The following SMYD3 variants were observed in gnomAD, a reference collection of about 807,000 sequenced individuals.
SMYD3 encodes the protein histone-lysine N-methyltransferase SMYD3.
SMYD3 carries 36 observed loss-of-function variants against 57.7 expected under a neutral mutation model. The ratio of observed to expected loss-of-function variants is 0.62; its 90% CI spans 0.48 to 0.82. The LOEUF (loss-of-function observed/expected upper bound fraction) is 0.82, where lower values mean the gene tolerates loss of function less well. SMYD3 is among the 40% of genes least tolerant of loss of function. SMYD3 has a pLI of 0.00. For synonymous variants in SMYD3, 211 were observed against 195.0 expected, an observed-to-expected ratio of 1.08 and a Z score of -0.68; for missense variants, 515 against 538.8, an observed-to-expected ratio of 0.96 and a Z score of 0.44.
chr1:246,138,502 T>A lies in SMYD3; in HGVS notation c.531+188699A>T, dbSNP rs563361465. Among the ~76,000 whole-genome samples the A allele has an allele frequency of 6.0e-3, 716 of 118,798 alleles. 83 individuals carry two copies. The highest frequency in any genetic ancestry group is 9.1e-3 in the Non-Finnish European group (419 of 46,268). The allele number at this position is 118,798 out of a possible 152,430, so 77.9% of individuals were successfully genotyped here. On this transcript the variant is annotated intron_variant, in intron 5 of 11. Coordinates refer to ENST00000490107, the MANE Select transcript of SMYD3 (RefSeq NM_001167740.2). ...GTGCAGTGGCGCGATCTCAGCTCAC[T>A]GCAAGCTCCGCCTCCCAGGTTCACA...
chr1:246,422,925 T>G (rs1302106645), intron 1 of SMYD3, among the ~76,000 whole-genome samples: 1 of 151,924 alleles, frequency 6.6e-6, no homozygotes, highest in Admixed American at 6.6e-5. Flanking sequence ...AATTCTCTGG[T>G]TAGATCTAAA....
chr1:246,144,110 C>T (rs866928243), intron 5 of SMYD3, among the ~76,000 whole-genome samples: 8 of 152,166 alleles, frequency 5.3e-5, no homozygotes, highest in Non-Finnish European at 8.8e-5. Context: ...CTCACCTGGA[C>T]GGACAGCCTC....
chr1:246,129,265 C>T (rs1435028522), intron 5 of SMYD3, among the ~76,000 whole-genome samples: 1 of 152,084 alleles, frequency 6.6e-6, no homozygotes, highest in Admixed American at 6.5e-5. Flanking sequence ...TGTCTTAATG[C>T]ACTTGTATTT....
At chr1:246,059,581 A>G (rs1229023459) in intron 5 of SMYD3, among the ~76,000 whole-genome samples, 3 of 152,186 alleles carry the variant, frequency 2.0e-5, no homozygotes, top group Admixed American at 6.5e-5. Context: ...TGAAAACAAC[A>G]TATCTCAGAC....
intron 1 of SMYD3, among the ~76,000 whole-genome samples, chr1:246,413,204 C>T (rs2067005132): frequency 6.6e-6 from 1 of 152,146 alleles, no homozygotes; most frequent in Non-Finnish European, 1.5e-5. Flanking sequence ...ACGTAGGTAC[C>T]AAATTTAGCT....
At position 246,107,101 on chromosome 1, in the gene SMYD3, C is replaced by CATCCTGGCTAAA. The variant is rs779661159; in HGVS notation, c.532-177165_532-177164insTTTAGCCAGGAT. Among the ~76,000 whole-genome samples the CATCCTGGCTAAA allele has an allele frequency of 4.2e-5, 5 of 117,994 alleles. 1 individual carries two copies. The highest frequency in any genetic ancestry group is 1.8e-4 in the African/African-American group (5 of 28,042). The allele number at this position is 117,994 out of a possible 152,430, so 77.4% of individuals were successfully genotyped here. Reference sequence around the variant, plus strand: ...GATCACAAGGTCAGGAGATCGAGACCACGGTGAAACCCCGTCTCTACTAAA... The same window carrying CATCCTGGCTAAA: ...GATCACAAGGTCAGGAGATCGAGACCATCCTGGCTAAAACGGTGAAACCCCGTCTCTACTAAA... On this transcript the variant is annotated intron_variant, in intron 5 of 11. Transcript: ENST00000490107.
chr1:246,028,205 G>GA (rs1475331602), intron 5 of SMYD3, among the ~76,000 whole-genome samples: 2 of 152,004 alleles, frequency 1.3e-5, no homozygotes, highest in Admixed American at 6.6e-5. Context: ...GAGAAAACCT[G>GA]AAAAAATCAA....
In SMYD3 at chr1:246,230,781, G is replaced by A. The variant is rs950601860; in HGVS notation, c.531+96420C>T. Among the ~76,000 whole-genome samples, 15 of 152,194 alleles carry A rather than the reference G, an allele frequency of 9.9e-5. No individual in the cohort carries two copies. In the South Asian group the frequency reaches 1.7e-3, roughly 17 times the overall value. ...TTAATATGGTAGCCACTGGCCACAC[G>A]TGGCTGTTGAGCAGTTGAAATGTGT... On this transcript the variant is annotated intron_variant, in intron 5 of 11. Coordinates refer to ENST00000490107, the MANE Select transcript of SMYD3 (RefSeq NM_001167740.2).
At chr1:245,931,697 T>C (rs1180511044) in intron 5 of SMYD3, among the ~76,000 whole-genome samples, 1 of 152,328 alleles carries the variant, frequency 6.6e-6, no homozygotes, top group East Asian at 1.9e-4. Context: ...GGATGCTGAC[T>C]TGTTATAAAG....
intron 10 of SMYD3, among the ~76,000 whole-genome samples, chr1:245,836,315 A>G (rs919530370): frequency 5.3e-5 from 8 of 152,156 alleles, no homozygotes; most frequent in African/African-American, 1.7e-4. Flanking sequence ...CGAGTCTGAA[A>G]ACCCGCATCC....
intron 1 of SMYD3, among the ~76,000 whole-genome samples, chr1:246,367,024 A>AACAT: frequency 1.3e-5 from 2 of 152,300 alleles, no homozygotes; most frequent in Middle Eastern, 3.4e-3. Context: ...TGTCTATGTC[A>AACAT]AATCAAAAAC....
chr1:246,225,402 C>A (rs561299900), intron 5 of SMYD3, among the ~76,000 whole-genome samples: 17 of 141,314 alleles, frequency 1.2e-4, no homozygotes, highest in Non-Finnish European at 2.1e-4. Context: ...CTTTGGTAAC[C>A]TTATTAGAAC....
chr1:246,265,070 T>A (rs1365358299), intron 5 of SMYD3, among the ~76,000 whole-genome samples: 1 of 152,256 alleles, frequency 6.6e-6, no homozygotes, highest in Admixed American at 6.5e-5. Context: ...TTTGATTTTG[T>A]AAAATATTAA....
chr1:245,989,585 T>A (rs1166230035), intron 5 of SMYD3, among the ~76,000 whole-genome samples: 1 of 152,246 alleles, frequency 6.6e-6, no homozygotes, highest in African/African-American at 2.4e-5. Flanking sequence ...GTTAACTGGA[T>A]ACAAAGGAGA....
At chr1:246,166,331 G>T (rs1215718963) in intron 5 of SMYD3, among the ~76,000 whole-genome samples, 1 of 152,050 alleles carries the variant, frequency 6.6e-6, no homozygotes, top group Non-Finnish European at 1.5e-5. Context: ...GGTTCTTTCA[G>T]ATTCTCTCAC....
chr1:246,475,462 G>A (rs2068018045), intron 1 of SMYD3, among the ~76,000 whole-genome samples: 2 of 151,886 alleles, frequency 1.3e-5, no homozygotes, highest in South Asian at 4.2e-4. Flanking sequence ...GGCCAACATG[G>A]TGAAACACCA....
chr1:245,980,637 A>G (rs1338506644), intron 5 of SMYD3, among the ~76,000 whole-genome samples: 1 of 152,234 alleles, frequency 6.6e-6, no homozygotes, highest in Non-Finnish European at 1.5e-5. Flanking sequence ...CTATTAAACC[A>G]AGGTGGAAAA....
At chr1:246,309,626 C>T (rs2065041480) in intron 5 of SMYD3, among the ~76,000 whole-genome samples, 1 of 152,100 alleles carries the variant, frequency 6.6e-6, no homozygotes, top group South Asian at 2.1e-4. Context: ...GCAAGCTGGA[C>T]TGTGGGATAG....
intron 5 of SMYD3, among the ~76,000 whole-genome samples, chr1:246,171,383 TTC>T (rs2062329400): frequency 6.6e-6 from 1 of 152,178 alleles, no homozygotes; most frequent in South Asian, 2.1e-4. Flanking sequence ...TTTTAGATCA[TTC>T]TTTTTCCAGA....
Sources: allele counts gnomAD v4.1 joint callset (sites outside exome capture counted in the v4.1 genomes callset), GRCh38; gene constraint gnomAD v4.1.1; transcripts MANE v1.5; gene names NCBI Gene and HGNC (gene_info 2026-07-23, HGNC 2026-07-21).